The following BCL2L11 variants were observed in gnomAD, a reference collection of about 807,000 sequenced individuals.
BCL2L11 encodes the protein BCL2 like 11.
In BCL2L11, 15 loss-of-function variants were observed where a neutral mutation model predicts 20.6. That is an observed-to-expected ratio of 0.73 (90% CI 0.49 to 1.12). The LOEUF is 1.12. Ranked by LOEUF, BCL2L11 falls within the 50% of genes most tolerant of loss-of-function variation. BCL2L11 has a pLI of 0.00. For missense variants in BCL2L11, 292 were observed against 260.9 expected (o/e 1.12, Z -0.82); for synonymous variants, 108 against 92.8 (o/e 1.16, Z -0.94).
At chr2:111,152,705 C>T (rs2077391313) in intron 3 of BCL2L11, among the ~76,000 whole-genome samples, 1 of 152,228 alleles carries the variant, frequency 6.6e-6, no homozygotes, top group Admixed American at 6.5e-5. Flanking sequence ...TACCTTGCCT[C>T]TCTGTTGAGG....
intron 2 of BCL2L11, chr2:111,145,916 CTTTCT>C (rs1468527189): frequency 9.7e-6 from 8 of 826,470 alleles, no homozygotes; most frequent in South Asian, 5.6e-5. Context: ...TGATTAGTGG[CTTTCT>C]TTTTTTTTTT....
intron 3 of BCL2L11, among the ~76,000 whole-genome samples, chr2:111,150,881 CTTTT>C (rs1319626937): frequency 1.6e-4 from 22 of 133,448 alleles, no homozygotes; most frequent in Non-Finnish European, 2.9e-4. Context: ...ACATGGGACA[CTTTT>C]GTTTGTTTGT....
chr2:111,154,380 A>G (rs2077591390), intron 3 of BCL2L11, among the ~76,000 whole-genome samples: 1 of 150,504 alleles, frequency 6.6e-6, no homozygotes, highest in South Asian at 2.1e-4. Context: ...GAAAAAATGT[A>G]TTTTCTGGCC....
chr2:111,157,923 A>G (rs762615213), intron 3 of BCL2L11, among the ~76,000 whole-genome samples: 14 of 152,162 alleles, frequency 9.2e-5, no homozygotes, highest in Middle Eastern at 6.3e-3. Context: ...CTGGGAGGGA[A>G]CTTCCTAGTG....
rs549372463 is a variant in BCL2L11, at chr2:111,136,099, C to T, written c.394+11960C>T. On this transcript the variant is annotated intron_variant, in intron 2 of 3. Coordinates refer to ENST00000393256, the MANE Select transcript of BCL2L11 (RefSeq NM_138621.5). Reference sequence around the variant, plus strand: ...GCTGCCAGGGGCGTTGTGGTTTTCCCGTTGCTGTTTGGCTAGAGTAGGGCA... The same window carrying T: ...GCTGCCAGGGGCGTTGTGGTTTTCCTGTTGCTGTTTGGCTAGAGTAGGGCA... Among the ~76,000 whole-genome samples, 273 of 152,288 alleles carry T rather than the reference C, an allele frequency of 1.8e-3. 2 individuals carry two copies. Among genetic ancestry groups the T allele is most frequent in the African/African-American group, 6.1e-3 (253 of 41,548 alleles).
At chr2:111,123,145 G>A in intron 1 of BCL2L11, 6 of 985,136 alleles carry the variant, frequency 6.1e-6, no homozygotes, top group Non-Finnish European at 6.0e-6. Context: ...GGGAGCGGGA[G>A]GGAGGGAGCA....
intron 2 of BCL2L11, among the ~76,000 whole-genome samples, chr2:111,138,462 T>C (rs1472576189): frequency 6.6e-6 from 1 of 152,250 alleles, no homozygotes; most frequent in Non-Finnish European, 1.5e-5. Flanking sequence ...CAGCAGCCTG[T>C]CACTGGGCAT....
chr2:111,148,575 A>C (rs1002426692), intron 2 of BCL2L11, among the ~76,000 whole-genome samples: 26 of 152,328 alleles, frequency 1.7e-4, no homozygotes, highest in African/African-American at 6.3e-4. Context: ...GTATGATTGG[A>C]TGTATTCAGA....
At chr2:111,155,662 T>C (rs899323262) in intron 3 of BCL2L11, among the ~76,000 whole-genome samples, 1 of 152,156 alleles carries the variant, frequency 6.6e-6, no homozygotes, top group Non-Finnish European at 1.5e-5. Flanking sequence ...AGTCACTCCA[T>C]GTGCAGGAAC....
At position 111,127,528 on chromosome 2, in the gene BCL2L11, C is replaced by T. The variant is rs180688834; in HGVS notation, c.394+3389C>T. Among the ~76,000 whole-genome samples, 52 of 151,692 alleles carry T rather than the reference C, an allele frequency of 3.4e-4. 4 individuals are homozygous for T. The East Asian group carries it at 0.01, about 29-fold the overall frequency. On this transcript the variant is annotated intron_variant, in intron 2 of 3. Transcript: ENST00000393256. ...AGCTCCCTGGGCGGGGAATAATGGC[C>T]TGCAGATGCTAGCGAGTGCCTGACA...
At chr2:111,131,190 A>G (rs929143179) in intron 2 of BCL2L11, among the ~76,000 whole-genome samples, 2 of 106,464 alleles carry the variant, frequency 1.9e-5, no homozygotes, top group Non-Finnish European at 3.5e-5. Flanking sequence ...GAAACCATCT[A>G]GGCCAGGAGA....
chr2:111,148,486 G>A (rs1266265076), intron 2 of BCL2L11, among the ~76,000 whole-genome samples: 1 of 152,146 alleles, frequency 6.6e-6, no homozygotes, highest in Non-Finnish European at 1.5e-5. Context: ...TCCCAGTTTA[G>A]TTCAAAAATT....
At chr2:111,138,985 CTG>C (rs911720695) in intron 2 of BCL2L11, among the ~76,000 whole-genome samples, 10 of 152,164 alleles carry the variant, frequency 6.6e-5, no homozygotes, top group Non-Finnish European at 1.5e-4. Context: ...GTGAGCATGA[CTG>C]TAATGAAGTG....
chr2:111,139,657 A>G (rs2075487027), intron 2 of BCL2L11, among the ~76,000 whole-genome samples: 1 of 152,124 alleles, frequency 6.6e-6, no homozygotes, highest in Non-Finnish European at 1.5e-5. Context: ...ACCTTTTTTC[A>G]CACACTATGA....
intron 2 of BCL2L11, among the ~76,000 whole-genome samples, chr2:111,138,841 A>G (rs1001670220): frequency 1.3e-5 from 2 of 152,138 alleles, no homozygotes; most frequent in African/African-American, 2.4e-5. Context: ...CTCAGCCATC[A>G]AGTGAGGACA....
chr2:111,127,419 C>CTTTTT (rs774187139), intron 2 of BCL2L11, among the ~76,000 whole-genome samples: 4 of 125,064 alleles, frequency 3.2e-5, no homozygotes, highest in Non-Finnish European at 5.1e-5. Flanking sequence ...TAATGGCTTT[C>CTTTTT]TTTTTTTTTT....
chr2:111,129,690 G>A (rs957448957), intron 2 of BCL2L11, among the ~76,000 whole-genome samples: 10 of 151,472 alleles, frequency 6.6e-5, no homozygotes, highest in African/African-American at 1.9e-4. Flanking sequence ...GTGTAGATTT[G>A]TATGGCCGCC....
At chr2:111,146,638 C>T (rs1361808590) in intron 2 of BCL2L11, among the ~76,000 whole-genome samples, 1 of 152,182 alleles carries the variant, frequency 6.6e-6, no homozygotes, top group East Asian at 1.9e-4. Flanking sequence ...GTGGGGCTTA[C>T]AGACCCCATT....
At chr2:111,142,376 GGTTA>G (rs1310525629) in intron 2 of BCL2L11, 2 of 1,550,452 alleles carry the variant, frequency 1.3e-6, no homozygotes, top group Middle Eastern at 1.7e-4. Flanking sequence ...CCACTCAAGT[GGTTA>G]GCAAAATCAA....
Sources: allele counts gnomAD v4.1 joint callset (sites outside exome capture counted in the v4.1 genomes callset), GRCh38; gene constraint gnomAD v4.1.1; transcripts MANE v1.5; gene names NCBI Gene and HGNC (gene_info 2026-07-23, HGNC 2026-07-21).